The following TASP1 variants were observed in gnomAD, a reference collection of about 807,000 sequenced individuals.
TASP1 encodes the protein taspase 1.
Under a neutral mutation model 56.6 loss-of-function variants are expected in TASP1, and 16 were observed. The observed-to-expected ratio is 0.28, with a 90% CI of 0.19 to 0.43. The LOEUF (loss-of-function observed/expected upper bound fraction) is 0.43, where lower values mean the gene tolerates loss of function less well. TASP1 is among the 20% of genes least tolerant of loss of function. The pLI, the probability that TASP1 is intolerant of heterozygous loss-of-function variation, is 1.00. For missense variants in TASP1, 393 were observed against 511.6 expected (o/e 0.77, Z 2.24); for synonymous variants, 179 against 184.2 (o/e 0.97, Z 0.23).
the TASP1 span, among the ~76,000 whole-genome samples, chr20:13,342,727 T>A: frequency 2.9e-3 from 435 of 152,240 alleles, 2 homozygotes; most frequent in African/African-American, 9.7e-3. Context: ...ACAAGAGCCA[T>A]AAAAGTTTGC....
intron 5 of TASP1, among the ~76,000 whole-genome samples, chr20:13,583,664 A>T (rs1045410209): frequency 1.3e-5 from 2 of 152,228 alleles, no homozygotes; most frequent in African/African-American, 2.4e-5. Context: ...GAATTAAATG[A>T]TTTAAAAGCA....
At chr20:13,310,278 T>C in the TASP1 span, among the ~76,000 whole-genome samples, 2 of 152,196 alleles carry the variant, frequency 1.3e-5, no homozygotes, top group Admixed American at 6.5e-5. Flanking sequence ...TCTACAAATT[T>C]GTGGTCAACT....
At chr20:13,291,635 G>GT in the TASP1 span, among the ~76,000 whole-genome samples, 1 of 152,346 alleles carries the variant, frequency 6.6e-6, no homozygotes, top group Non-Finnish European at 1.5e-5. Flanking sequence ...GGGTGAGCCA[G>GT]TAAGTTTGAG....
the TASP1 span, among the ~76,000 whole-genome samples, chr20:13,283,739 G>A: frequency 2.0e-5 from 3 of 152,166 alleles, no homozygotes; most frequent in African/African-American, 7.2e-5. Context: ...TTCCAGAATT[G>A]TTTAGAATAG....
chr20:13,383,083 G>A, the TASP1 span, among the ~76,000 whole-genome samples: 1 of 152,188 alleles, frequency 6.6e-6, no homozygotes, highest in Admixed American at 6.5e-5. Context: ...TCAAAGAACA[G>A]CAAGGAGGCC....
At chr20:13,437,929 A>C (rs1226178062) in intron 11 of TASP1, among the ~76,000 whole-genome samples, 2 of 152,204 alleles carry the variant, frequency 1.3e-5, no homozygotes, top group Admixed American at 1.3e-4. Context: ...AAATGGCCAT[A>C]CTGCCCAAGG....
chr20:13,515,110 C>T (rs188330425), intron 10 of TASP1, among the ~76,000 whole-genome samples: 1 of 152,248 alleles, frequency 6.6e-6, no homozygotes, highest in Admixed American at 6.6e-5. Flanking sequence ...GTATTCACTT[C>T]TGTTTGCAGC....
the TASP1 span, among the ~76,000 whole-genome samples, chr20:13,378,930 A>G: frequency 6.6e-6 from 1 of 152,074 alleles, no homozygotes; most frequent in African/African-American, 2.4e-5. Flanking sequence ...TTGCTTGGTA[A>G]ATATTCCTCC....
chr20:13,277,260 A>G, the TASP1 span, among the ~76,000 whole-genome samples: 3 of 152,190 alleles, frequency 2.0e-5, no homozygotes, highest in South Asian at 4.1e-4. Flanking sequence ...CAGTCTGAAT[A>G]CAAATGGAAT....
chr20:13,393,084 G>A, intron 13 of TASP1: 3 of 614,812 alleles, frequency 4.9e-6, no homozygotes, highest in Non-Finnish European at 9.1e-6. Context: ...CATGAACCAT[G>A]AGAAGTATGA....
rs1443535593 is a variant in TASP1 at position 13,587,298 on chromosome 20, T to C, written c.355A>G (p.Ile119Val). 6.2e-7 allele frequency: 1 copy of C among 1,613,246 alleles called. No homozygotes were observed. The highest frequency in any genetic ancestry group is 8.5e-7 in the Non-Finnish European group (1 of 1,179,662). Reference protein sequence around the residue: ...LLGEIECDASIMDGKSLNFGA... With the variant: ...LLGEIECDASVMDGKSLNFGA... The stretch of plus-strand genomic sequence containing the variant: ...AAATTTAAGGATTTTCCATCCATTA[T>C]GCTGGCATCACACTCAATTTCACCT... The change falls in exon 5 of 14, where the codon ATA becomes GTA. Residue 119 changes from isoleucine to valine, a missense_variant. By Grantham distance (29) the Ile-to-Val change is conservative. Transcript: ENST00000337743.
At chr20:13,564,914 G>A (rs938999087) in intron 7 of TASP1, among the ~76,000 whole-genome samples, 9 of 151,484 alleles carry the variant, frequency 5.9e-5, no homozygotes, top group African/African-American at 1.5e-4. Context: ...GCTGTGGCAG[G>A]AGAATTGTTT....
chr20:13,263,170 T>G, the TASP1 span, among the ~76,000 whole-genome samples: 1 of 152,216 alleles, frequency 6.6e-6, no homozygotes, highest in Non-Finnish European at 1.5e-5. Context: ...CCATTGACAT[T>G]TGCTCTGTTC....
chr20:13,283,061 C>T, the TASP1 span, among the ~76,000 whole-genome samples: 1 of 152,130 alleles, frequency 6.6e-6, no homozygotes, highest in South Asian at 2.1e-4. Context: ...TTTTTTAAGA[C>T]ATGGAGTCTT....
chr20:13,376,763 G>A, the TASP1 span, among the ~76,000 whole-genome samples: 1 of 152,092 alleles, frequency 6.6e-6, no homozygotes, highest in African/African-American at 2.4e-5. Flanking sequence ...TTGAGCAGTG[G>A]CTTGTAGTTT....
At chr20:13,326,184 A>C in the TASP1 span, among the ~76,000 whole-genome samples, 2 of 152,308 alleles carry the variant, frequency 1.3e-5, no homozygotes, top group African/African-American at 4.8e-5. Flanking sequence ...CCATGTATGG[A>C]TGCACCAGAG....
chr20:13,361,770 T>C, the TASP1 span, among the ~76,000 whole-genome samples: 1 of 152,056 alleles, frequency 6.6e-6, no homozygotes, highest in East Asian at 1.9e-4. Context: ...ACACTGTTTT[T>C]CCAAGCCATC....
At chr20:13,233,007 A>G in the TASP1 span, among the ~76,000 whole-genome samples, 1 of 150,878 alleles carries the variant, frequency 6.6e-6, no homozygotes, top group South Asian at 2.1e-4. Flanking sequence ...TTGTGAAAAG[A>G]AAATTCGATG....
At chr20:13,420,616 T>C (rs2042401764) in intron 12 of TASP1, among the ~76,000 whole-genome samples, 2 of 152,368 alleles carry the variant, frequency 1.3e-5, no homozygotes, top group African/African-American at 4.8e-5. Flanking sequence ...TTGTAGTACA[T>C]GCATAATGCA....
Sources: gnomAD v4.1 joint callset for allele counts (sites outside exome capture counted in the v4.1 genomes callset) on GRCh38, gnomAD v4.1.1 for gene constraint, MANE v1.5 for transcripts, NCBI Gene and HGNC (gene_info 2026-07-23, HGNC 2026-07-21) for gene names.